The following LDLRAD4 variants were observed in gnomAD, a reference collection of about 807,000 sequenced individuals.
The protein encoded by LDLRAD4 is low density lipoprotein receptor class A domain containing 4.
Under a neutral mutation model 17.0 loss-of-function variants are expected in LDLRAD4, and 5 were observed. The observed-to-expected ratio is 0.29, with a 90% CI of 0.15 to 0.62. The LOEUF is 0.62. Ranked by LOEUF, LDLRAD4 falls within the 20% of genes least tolerant of loss-of-function variation. LDLRAD4 has a pLI of 0.84. For missense variants in LDLRAD4, 340 were observed against 424.7 expected, an observed-to-expected ratio of 0.80 and a Z score of 1.75; for synonymous variants, 168 against 171.8, an observed-to-expected ratio of 0.98 and a Z score of 0.17.
intron 1 of LDLRAD4, among the ~76,000 whole-genome samples, chr18:13,259,050 AT>A (rs1567941235): frequency 6.6e-6 from 1 of 152,248 alleles, no homozygotes; most frequent in Non-Finnish European, 1.5e-5. Flanking sequence ...ATGACTGAGT[AT>A]TCCTGAAACA....
chr18:13,388,093 G>C (rs904994657), intron 2 of LDLRAD4, among the ~76,000 whole-genome samples: 1 of 152,242 alleles, frequency 6.6e-6, no homozygotes, highest in South Asian at 2.1e-4. Flanking sequence ...GGTAGGGGAA[G>C]TGTGGTTTCT....
chr18:13,324,137 GTC>G (rs200342389), intron 1 of LDLRAD4, among the ~76,000 whole-genome samples: 9,002 of 142,140 alleles, frequency 0.063, 726 homozygotes, highest in African/African-American at 0.19. Context: ...GAGTTCAAGT[GTC>G]TATTTTTTTT....
At chr18:13,420,737 A>G (rs2089367089) in intron 2 of LDLRAD4, 1 of 152,290 alleles carries the variant, frequency 6.6e-6, no homozygotes, top group African/African-American at 2.4e-5. Context: ...GGCAGAGAAC[A>G]AAGTGGTCCC....
intron 1 of LDLRAD4, among the ~76,000 whole-genome samples, chr18:13,357,260 T>G (rs898299778): frequency 2.7e-4 from 41 of 152,174 alleles, no homozygotes; most frequent in African/African-American, 8.7e-4. Context: ...AATTAATTAA[T>G]TAGAGATGAG....
At chr18:13,610,073 C>T (rs1325567461) in intron 3 of LDLRAD4, among the ~76,000 whole-genome samples, 1 of 152,080 alleles carries the variant, frequency 6.6e-6, no homozygotes, top group Admixed American at 6.5e-5. Flanking sequence ...TGTGTTGAGA[C>T]ACTGGGGAAT....
At chr18:13,600,925 A>G (rs1219169293) in intron 3 of LDLRAD4, among the ~76,000 whole-genome samples, 1 of 152,086 alleles carries the variant, frequency 6.6e-6, no homozygotes, top group Non-Finnish European at 1.5e-5. Context: ...TGCTGTGGGT[A>G]TTTACTATGT....
chr18:13,353,167 T>G (rs1055644534), intron 1 of LDLRAD4, among the ~76,000 whole-genome samples: 17 of 152,322 alleles, frequency 1.1e-4, no homozygotes, highest in African/African-American at 3.8e-4. Flanking sequence ...GTTTTCCTGT[T>G]TTGTCTTTTG....
intron 2 of LDLRAD4, among the ~76,000 whole-genome samples, chr18:13,404,357 C>T (rs572205380): frequency 1.4e-4 from 22 of 152,220 alleles, no homozygotes; most frequent in Admixed American, 1.2e-3. Flanking sequence ...AGTGGAGTGC[C>T]GCGACGGTGT....
intron 3 of LDLRAD4, among the ~76,000 whole-genome samples, chr18:13,565,234 C>T (rs2094585177): frequency 6.6e-6 from 1 of 152,182 alleles, no homozygotes; most frequent in Admixed American, 6.5e-5. Context: ...CAGTTGTCCA[C>T]AGTAGAGGGT....
chr18:13,443,377 C>G (rs894077572), intron 3 of LDLRAD4, among the ~76,000 whole-genome samples: 9 of 152,194 alleles, frequency 5.9e-5, no homozygotes, highest in Admixed American at 4.6e-4. Flanking sequence ...GGATCAGGCT[C>G]ATAACCACAT....
chr18:13,398,733 A>G lies in LDLRAD4; in HGVS notation c.40+10971A>G, dbSNP rs2086909440. ...GTGCTGGTGGGCTGCTGGTGTCCTC[A>G]CAGCCTCTGACCACCAGCCTGGACG... is the stretch of plus-strand genomic sequence containing the variant. On this transcript the variant is annotated intron_variant, in intron 2 of 5. Coordinates refer to ENST00000359446, the Ensembl canonical transcript of LDLRAD4. This position sits in a 1 kb window ranked among gnomAD's most constrained non-coding sequence, Gnocchi z 4.8. Among the ~76,000 whole-genome samples the G allele has an allele frequency of 6.6e-6, 1 of 151,970 alleles. No homozygotes were observed. Among genetic ancestry groups the G allele is most frequent in the South Asian group, 2.1e-4 (1 of 4,798 alleles).
At chr18:13,253,603 T>TA (rs1192999856) in intron 1 of LDLRAD4, among the ~76,000 whole-genome samples, 1 of 152,148 alleles carries the variant, frequency 6.6e-6, no homozygotes, top group Non-Finnish European at 1.5e-5. Flanking sequence ...CAGTATGTGT[T>TA]ACCCTTCGAG....
intron 1 of LDLRAD4, among the ~76,000 whole-genome samples, chr18:13,386,067 C>A (rs1353147664): frequency 6.6e-6 from 1 of 152,182 alleles, no homozygotes; most frequent in African/African-American, 2.4e-5. Flanking sequence ...CTGTTTATAG[C>A]AACATGTGAT....
At chr18:13,585,903 A>G (rs2094926458) in intron 3 of LDLRAD4, among the ~76,000 whole-genome samples, 1 of 152,228 alleles carries the variant, frequency 6.6e-6, no homozygotes, top group Non-Finnish European at 1.5e-5. Flanking sequence ...AATATCTGCA[A>G]ACTTACTTCC....
At chr18:13,365,052 G>T (rs1568054610) in intron 1 of LDLRAD4, among the ~76,000 whole-genome samples, 1 of 152,340 alleles carries the variant, frequency 6.6e-6, no homozygotes, top group East Asian at 1.9e-4. Flanking sequence ...AGCTGCTCAG[G>T]CCGTGATGCA....
chr18:13,594,749 A>G (rs187765545), intron 3 of LDLRAD4, among the ~76,000 whole-genome samples: 12 of 151,850 alleles, frequency 7.9e-5, no homozygotes. Flanking sequence ...TCATACTAGA[A>G]TGAGTGGGGA....
chr18:13,544,973 T>C (rs2094340298), intron 3 of LDLRAD4, among the ~76,000 whole-genome samples: 1 of 151,830 alleles, frequency 6.6e-6, no homozygotes, highest in Admixed American at 6.6e-5. Context: ...ATTGAAAGTA[T>C]TATTAGAGAA....
chr18:13,309,151 C>T (rs16940343), intron 1 of LDLRAD4, among the ~76,000 whole-genome samples: 76,441 of 152,094 alleles, frequency 0.5, 21,331 homozygotes, highest in Non-Finnish European at 0.63. Context: ...AGAGGCTTGT[C>T]CTTGGTGCAG....
At chr18:13,564,072 A>C (rs1601411247) in intron 3 of LDLRAD4, among the ~76,000 whole-genome samples, 1 of 151,986 alleles carries the variant, frequency 6.6e-6, no homozygotes, top group East Asian at 1.9e-4. Flanking sequence ...CACCTGGATA[A>C]TTGTGGTTTT....
Sources: gnomAD v4.1 joint callset for allele counts (sites outside exome capture counted in the v4.1 genomes callset) on GRCh38, gnomAD v4.1.1 for gene constraint, Gnocchi (gnomAD v3.1) non-coding constraint, MANE v1.5 for transcripts, NCBI Gene and HGNC (gene_info 2026-07-23, HGNC 2026-07-21) for gene names.